The following MREG variants were observed in gnomAD, a reference collection of about 807,000 sequenced individuals.
The protein encoded by MREG is dilute suppressor protein homolog.
A neutral mutation model predicts 28.5 loss-of-function variants in MREG; 31 were observed. The observed-to-expected ratio is 1.09, with a 90% CI of 0.82 to 1.47. The LOEUF is 1.47. Ranked by LOEUF, MREG falls within the 40% of genes most tolerant of loss-of-function variation. MREG has a pLI of 0.00. For synonymous variants in MREG, 106 were observed against 95.2 expected, an observed-to-expected ratio of 1.11 and a Z score of -0.66; for missense variants, 256 against 257.4, an observed-to-expected ratio of 0.99 and a Z score of 0.04.
chr2:215,961,518 C>A (rs1003684194), intron 2 of MREG, among the ~76,000 whole-genome samples: 1 of 152,078 alleles, frequency 6.6e-6, no homozygotes, highest in Admixed American at 6.5e-5. Flanking sequence ...CTCCGTCTCC[C>A]GGGTTCAAGC....
At chr2:215,980,641 T>C (rs753821263) in intron 2 of MREG, among the ~76,000 whole-genome samples, 16 of 151,926 alleles carry the variant, frequency 1.1e-4, no homozygotes, top group Non-Finnish European at 1.8e-4. Flanking sequence ...TTAAGAAAAG[T>C]GATAGAGGCT....
chr2:215,993,008 C>T (rs1327206993), intron 2 of MREG, among the ~76,000 whole-genome samples: 1 of 152,176 alleles, frequency 6.6e-6, no homozygotes, highest in Non-Finnish European at 1.5e-5. Context: ...TTTATAGATT[C>T]AATGCTATCC....
rs1692256004 is a variant in MREG, at chr2:215,944,080, A to G, written c.*783T>C. The stretch of plus-strand genomic sequence containing the variant: ...CTGTAACCTCCACTGCCCGGGCTCA[A>G]GCGATTCTCCTACCTCAGCCTCCTG... On this transcript the variant is annotated 3_prime_UTR_variant, in exon 5 of 5. Coordinates refer to ENST00000263268, the MANE Select transcript of MREG (RefSeq NM_018000.3). The G allele has an allele frequency of 6.9e-6, 1 of 145,374 alleles. No homozygotes were observed. Among genetic ancestry groups the G allele is most frequent in the Non-Finnish European group, 1.5e-5 (1 of 67,268 alleles). The allele number at this position is 145,374 out of a possible 1,614,324, so 9.0% of individuals were successfully genotyped here.
intron 2 of MREG, among the ~76,000 whole-genome samples, chr2:215,992,447 C>T (rs1021838791): frequency 1.3e-5 from 2 of 152,172 alleles, no homozygotes; most frequent in African/African-American, 2.4e-5. Flanking sequence ...GACAAACCCA[C>T]GGCCAGTATC....
upstream of MREG, among the ~76,000 whole-genome samples, chr2:216,013,920 T>A (rs1321660226): frequency 6.6e-6 from 1 of 152,028 alleles, no homozygotes; most frequent in Non-Finnish European, 1.5e-5. Context: ...GGCGTAGGGT[T>A]TTTTTTTAAA....
intron 2 of MREG, among the ~76,000 whole-genome samples, chr2:215,967,506 A>T (rs1335325977): frequency 6.6e-6 from 1 of 152,264 alleles, no homozygotes; most frequent in Non-Finnish European, 1.5e-5. Flanking sequence ...AAGCTAGAAG[A>T]TTCTCTCAAT....
intron 1 of MREG, among the ~76,000 whole-genome samples, chr2:216,011,978 G>A (rs1187184099): frequency 6.6e-6 from 1 of 152,162 alleles, no homozygotes; most frequent in Non-Finnish European, 1.5e-5. Context: ...TCATTGACAA[G>A]AGCAATCAAA....
chr2:216,008,396 C>T (rs1333316404), intron 1 of MREG, among the ~76,000 whole-genome samples: 1 of 151,232 alleles, frequency 6.6e-6, no homozygotes, highest in African/African-American at 2.5e-5. Context: ...AACATCGTTA[C>T]ATCTGTCTGA....
rs1182909813 is a variant in MREG, at chr2:215,994,948, A to G, written c.255+1358T>C. ...GTATTGCTGTTACTGTTTTGGGCAG[A>G]GTCAGGGGAGAAGAGGAAGAAAAGA... On this transcript the variant is annotated intron_variant, in intron 2 of 4. Transcript: ENST00000263268. Among the ~76,000 whole-genome samples, 4 of 152,296 alleles carry G rather than the reference A, an allele frequency of 2.6e-5. No individual in the cohort carries two copies. The East Asian group carries it at 7.7e-4, about 29-fold the overall frequency.
chr2:215,949,081 C>A (rs200513837), intron 2 of MREG, among the ~76,000 whole-genome samples: 38,402 of 94,580 alleles, frequency 0.41, 5,364 homozygotes, highest in East Asian at 0.62. Flanking sequence ...ACTACTACTA[C>A]TACTACTAAT....
intron 4 of MREG, among the ~76,000 whole-genome samples, 178 bp from the exon 5 acceptor site, chr2:215,945,175 T>C (rs1042425691): frequency 3.9e-5 from 6 of 152,234 alleles, no homozygotes; most frequent in Admixed American, 2.0e-4. Context: ...TTTAGTTACA[T>C]TATCCAAGAA....
intron 2 of MREG, among the ~76,000 whole-genome samples, chr2:215,979,811 A>C (rs1405610140): frequency 6.6e-6 from 1 of 152,068 alleles, no homozygotes; most frequent in Non-Finnish European, 1.5e-5. Context: ...AACCAAAGTC[A>C]ATACTGAGTA....
intron 1 of MREG, among the ~76,000 whole-genome samples, chr2:216,030,671 T>A (rs545908893): frequency 6.6e-6 from 1 of 151,832 alleles, no homozygotes; most frequent in Non-Finnish European, 1.5e-5. Flanking sequence ...GCCTGCTAAG[T>A]AGCTGGGATT....
intron 2 of MREG, among the ~76,000 whole-genome samples, chr2:215,989,361 A>G (rs1693663289): frequency 6.6e-6 from 1 of 152,232 alleles, no homozygotes; most frequent in African/African-American, 2.4e-5. Context: ...ATGAACAAAA[A>G]GAGCATCCAC....
chr2:216,015,393 G>T (rs145253178), upstream of MREG, among the ~76,000 whole-genome samples: 1 of 152,134 alleles, frequency 6.6e-6, no homozygotes, highest in African/African-American at 2.4e-5. Context: ...GAACTATAGG[G>T]TACCTGTGGG....
rs775076259 is a variant in MREG, at chr2:215,996,360, G to A, written c.201C>T (p.Asp67=). Residue 67 remains aspartate (D), a synonymous_variant, in exon 2 of 5, where the codon GAC becomes GAT. Transcript: ENST00000263268. ...TGACTATCAAATTGTACAGGGTTCT[G>A]TCGTCGTCTGCCTCTGTGTGGGACA... ...HDVSHTEADD[D]RTLYNLIVIR... 7 of 1,614,032 alleles carry A rather than the reference G, an allele frequency of 4.3e-6. No individual in the cohort carries two copies. In the South Asian group the frequency reaches 7.7e-5, roughly 18 times the overall value.
At chr2:216,014,648 C>CAA (rs33939793), upstream of MREG, among the ~76,000 whole-genome samples, 4,415 of 135,488 alleles carry the variant, frequency 0.033, 94 homozygotes, top group Middle Eastern at 0.068. Context: ...GACTCCGTCT[C>CAA]AAAAAAAAAA....
intron 2 of MREG, among the ~76,000 whole-genome samples, chr2:215,979,487 AT>A (rs1693358749): frequency 1.4e-5 from 2 of 144,152 alleles, no homozygotes; most frequent in African/African-American, 5.3e-5. Context: ...AATAATAATA[AT>A]AATAATAATA....
intron 4 of MREG, among the ~76,000 whole-genome samples, chr2:215,945,317 CT>C (rs1391888630): frequency 6.6e-6 from 1 of 152,144 alleles, no homozygotes; most frequent in African/African-American, 2.4e-5. Context: ...GTAGAATTCA[CT>C]GAAAAATACA....
Sources: allele counts gnomAD v4.1 joint callset (sites outside exome capture counted in the v4.1 genomes callset), GRCh38; gene constraint gnomAD v4.1.1; transcripts MANE v1.5; gene names NCBI Gene and HGNC (gene_info 2026-07-23, HGNC 2026-07-21).